The following PRKD1 variants were observed in gnomAD, a reference collection of about 807,000 sequenced individuals.
The protein encoded by PRKD1 is serine/threonine-protein kinase D1.
PRKD1 carries 63 observed loss-of-function variants against 95.9 expected under a neutral mutation model. The ratio of observed to expected loss-of-function variants is 0.66; its 90% CI spans 0.54 to 0.81. The LOEUF is 0.81. Among genes scored for constraint, PRKD1 ranks in the 30% least tolerant of loss-of-function variants. The probability of loss-of-function intolerance (pLI) is 0.00; values close to 1 mark genes in which losing one functional copy is unlikely to be tolerated. For synonymous variants in PRKD1, 425 were observed against 423.1 expected (o/e 1.00, Z -0.05); for missense variants, 1,048 against 1,165.3 (o/e 0.90, Z 1.47).
At chr14:29,885,100 G>A (rs1408517408) in intron 1 of PRKD1, among the ~76,000 whole-genome samples, 2 of 147,490 alleles carry the variant, frequency 1.4e-5, no homozygotes, top group East Asian at 4.0e-4. Context: ...TCCCCCCTGG[G>A]CAACAGAGCG....
chr14:29,586,481 T>C (rs911648473), intron 16 of PRKD1, among the ~76,000 whole-genome samples: 1 of 152,202 alleles, frequency 6.6e-6, no homozygotes, highest in Non-Finnish European at 1.5e-5. Flanking sequence ...AAATCTGGCT[T>C]ATCAACAATA....
intron 14 of PRKD1, 86 bp from the exon 15 acceptor site, chr14:29,599,211 G>T: frequency 1.9e-6 from 2 of 1,063,542 alleles, no homozygotes; most frequent in Non-Finnish European, 2.8e-6. Context: ...AAAAAAAACT[G>T]ACAATGGACA....
intron 16 of PRKD1, among the ~76,000 whole-genome samples, chr14:29,593,384 A>G (rs751615904): frequency 7.2e-5 from 11 of 152,170 alleles, no homozygotes; most frequent in Non-Finnish European, 1.3e-4. Context: ...GATTGTTTTT[A>G]GCCTATCATC....
At chr14:29,790,030 T>TTTTTA (rs1399556696) in intron 1 of PRKD1, among the ~76,000 whole-genome samples, 2 of 139,888 alleles carry the variant, frequency 1.4e-5, no homozygotes, top group Admixed American at 1.5e-4. Flanking sequence ...TTTTTTTTTT[T>TTTTTA]GAGATGGAGT....
rs1888651375 is a variant in PRKD1 at position 29,774,577 on chromosome 14, T to A, written c.265-48903A>T. Among the ~76,000 whole-genome samples the A allele has an allele frequency of 2.0e-5, 3 of 152,236 alleles. No individual in the cohort carries two copies. In the South Asian group the frequency reaches 6.2e-4, roughly 32 times the overall value. On this transcript the variant is annotated intron_variant, in intron 1 of 17. Coordinates refer to ENST00000331968, the MANE Select transcript of PRKD1 (RefSeq NM_002742.3). Reference sequence around the variant, plus strand: ...GAAATACTAAGGCATAGTACAGCAATTTGCTGGAATACAGAGTTATTAAGT... The same window carrying A: ...GAAATACTAAGGCATAGTACAGCAAATTGCTGGAATACAGAGTTATTAAGT...
At chr14:29,823,209 A>T (rs1215186052) in intron 1 of PRKD1, among the ~76,000 whole-genome samples, 2 of 152,194 alleles carry the variant, frequency 1.3e-5, no homozygotes, top group African/African-American at 4.8e-5. Flanking sequence ...AAATAACAAC[A>T]TCATTAGAGA....
At chr14:29,752,440 T>C (rs1887520204) in intron 1 of PRKD1, among the ~76,000 whole-genome samples, 1 of 152,082 alleles carries the variant, frequency 6.6e-6, no homozygotes, top group Admixed American at 6.6e-5. Context: ...GGTTGTAACT[T>C]CCCTATAAAA....
At chr14:29,817,699 G>A (rs1024178775) in intron 1 of PRKD1, among the ~76,000 whole-genome samples, 2 of 152,070 alleles carry the variant, frequency 1.3e-5, no homozygotes, top group African/African-American at 4.8e-5. Context: ...TCTAGGCCAG[G>A]ATTTGAACCC....
At chr14:29,754,656 G>A (rs1319034318) in intron 1 of PRKD1, among the ~76,000 whole-genome samples, 2 of 151,838 alleles carry the variant, frequency 1.3e-5, no homozygotes, top group East Asian at 1.9e-4. Flanking sequence ...TTATTTCTAA[G>A]TCCTTTATTC....
intron 1 of PRKD1, among the ~76,000 whole-genome samples, chr14:29,809,486 A>G (rs1465131411): frequency 6.6e-6 from 1 of 152,222 alleles, no homozygotes; most frequent in African/African-American, 2.4e-5. Context: ...ACCTTCATCA[A>G]TGATCTTAGC....
chr14:29,896,399 A>T (rs1894128068), intron 1 of PRKD1, among the ~76,000 whole-genome samples: 1 of 151,814 alleles, frequency 6.6e-6, no homozygotes, highest in Non-Finnish European at 1.5e-5. Flanking sequence ...CATCAAGACT[A>T]TTAGCTTAAA....
At chr14:29,877,392 C>A (rs1271359956) in intron 1 of PRKD1, among the ~76,000 whole-genome samples, 7 of 152,182 alleles carry the variant, frequency 4.6e-5, no homozygotes, top group Non-Finnish European at 8.8e-5. Flanking sequence ...GGATATTACA[C>A]CTTTGTCAGA....
Position 29,746,529 on chromosome 14 carries a change from T to TACACACACAC in PRKD1, c.265-20856_265-20855insGTGTGTGTGT, listed in dbSNP as rs139747043. On this transcript the variant is annotated intron_variant, in intron 1 of 17. Transcript: ENST00000331968. The stretch of plus-strand genomic sequence containing the variant: ...ATTTATCTCATTGTGTGTGTACATA[T>TACACACACAC]ATACACACACACACACACACACACA... 4.2e-4 allele frequency among the ~76,000 whole-genome samples: 61 copies of TACACACACAC among 146,512 alleles called. 1 individual carries two copies. Among genetic ancestry groups the TACACACACAC allele is most frequent in the Middle Eastern group, 3.5e-3 (1 of 286 alleles).
intron 2 of PRKD1, among the ~76,000 whole-genome samples, chr14:29,684,176 A>T (rs1456295502): frequency 7.1e-6 from 1 of 140,080 alleles, no homozygotes; most frequent in African/African-American, 2.7e-5. Flanking sequence ...TCTGAGATGG[A>T]GTCTCACTCT....
intron 1 of PRKD1, among the ~76,000 whole-genome samples, chr14:29,850,273 T>A (rs751535133): frequency 7.9e-5 from 12 of 152,272 alleles, no homozygotes; most frequent in Admixed American, 2.6e-4. Flanking sequence ...AATTATCTCT[T>A]TGCTAATGAT....
At chr14:29,593,526 A>G (rs533993686) in intron 16 of PRKD1, among the ~76,000 whole-genome samples, 76 of 152,314 alleles carry the variant, frequency 5.0e-4, no homozygotes, top group African/African-American at 1.8e-3. Flanking sequence ...ATAGCCAATC[A>G]GTGCCCCTTC....
chr14:29,906,851 T>C (rs1288228864), intron 1 of PRKD1, among the ~76,000 whole-genome samples: 3 of 152,002 alleles, frequency 2.0e-5, no homozygotes, highest in African/African-American at 7.3e-5. Context: ...ATTGGGTGAG[T>C]CTGTTATTTT....
At chr14:29,901,881 T>C (rs1894331181) in intron 1 of PRKD1, among the ~76,000 whole-genome samples, 1 of 152,194 alleles carries the variant, frequency 6.6e-6, no homozygotes, top group Non-Finnish European at 1.5e-5. Context: ...AGAAACTTCA[T>C]ATCCAGAAGT....
chr14:29,735,838 C>CGA (rs1886686551), intron 1 of PRKD1, among the ~76,000 whole-genome samples: 1 of 152,010 alleles, frequency 6.6e-6, no homozygotes, highest in Non-Finnish European at 1.5e-5. Flanking sequence ...ATTTGGTGTT[C>CGA]GAGTAAGGCT....
Sources: gnomAD v4.1 joint callset for allele counts (sites outside exome capture counted in the v4.1 genomes callset) on GRCh38, gnomAD v4.1.1 for gene constraint, MANE v1.5 for transcripts, NCBI Gene and HGNC (gene_info 2026-07-23, HGNC 2026-07-21) for gene names.